ARHGAP42: variants seen among roughly 807,000 people sequenced by gnomAD.
ARHGAP42 encodes the protein Rho GTPase activating protein 42, also known as rho GTPase-activating protein 42.
Under a neutral mutation model 125.0 loss-of-function variants are expected in ARHGAP42, and 63 were observed. The ratio of observed to expected loss-of-function variants is 0.50; its 90% confidence interval spans 0.41 to 0.62. ARHGAP42 has a LOEUF of 0.62. Ranked by LOEUF, ARHGAP42 falls within the 20% of genes least tolerant of loss-of-function variation. The probability of loss-of-function intolerance (pLI) is 0.00; values close to 1 mark genes in which losing one functional copy is unlikely to be tolerated. For missense variants in ARHGAP42, 766 were observed against 1,024.2 expected (o/e 0.75, Z 3.44); for synonymous variants, 339 against 351.0 (o/e 0.97, Z 0.38).
chr11:100,779,528 G>A (rs58051655), intron 2 of ARHGAP42, among the ~76,000 whole-genome samples: 25,895 of 80,442 alleles, frequency 0.32, 5,933 homozygotes, highest in Non-Finnish European at 0.41. Flanking sequence ...ACGTATACAT[G>A]CGTATATATA....
At chr11:100,837,799 C>T (rs913178914) in intron 3 of ARHGAP42, among the ~76,000 whole-genome samples, 2 of 148,126 alleles carry the variant, frequency 1.4e-5, no homozygotes, top group African/African-American at 5.0e-5. Context: ...ATAATGCAGC[C>T]AAGGGTCAGC....
In ARHGAP42 at chr11:100,992,331, G is replaced by A. The variant is rs1858853961; in HGVS notation, c.*3530G>A. The A allele has an allele frequency of 6.2e-7, 1 of 1,609,876 alleles. No homozygotes were observed. Among genetic ancestry groups the A allele is most frequent in the South Asian group, 1.1e-5 (1 of 90,146 alleles). On this transcript the variant is annotated 3_prime_UTR_variant, in exon 24 of 24. Coordinates refer to ENST00000298815, the MANE Select transcript of ARHGAP42 (RefSeq NM_152432.4). ...AGCATGACCTCACATCACTGCGTAGGACCCGGAAATCACATCTCCTGGTCA... is the reference window on the plus strand; with the variant it reads ...AGCATGACCTCACATCACTGCGTAGAACCCGGAAATCACATCTCCTGGTCA...
At chr11:100,754,278 T>G (rs1862525281) in intron 1 of ARHGAP42, among the ~76,000 whole-genome samples, 1 of 152,220 alleles carries the variant, frequency 6.6e-6, no homozygotes, top group Non-Finnish European at 1.5e-5. Flanking sequence ...CACTGCTAGA[T>G]TGTGGAGGAA....
intron 3 of ARHGAP42, chr11:100,840,612 C>G (rs974740418): frequency 2.0e-5 from 3 of 152,100 alleles, no homozygotes; most frequent in African/African-American, 7.2e-5. Context: ...AGCAAAATCA[C>G]AGATGCTGAC....
intron 3 of ARHGAP42, among the ~76,000 whole-genome samples, chr11:100,827,396 T>C (rs1396462751): frequency 2.6e-5 from 4 of 152,176 alleles, no homozygotes. Context: ...GTCATGGTAG[T>C]CTGGTATGCA....
At chr11:100,842,340 A>G (rs1191396094) in intron 3 of ARHGAP42, among the ~76,000 whole-genome samples, 1 of 152,174 alleles carries the variant, frequency 6.6e-6, no homozygotes, top group Non-Finnish European at 1.5e-5. Context: ...ATGAGAACCT[A>G]TTCAAGTTTT....
At chr11:100,930,375 C>T (rs1241800322) in intron 6 of ARHGAP42, among the ~76,000 whole-genome samples, 2 of 152,290 alleles carry the variant, frequency 1.3e-5, no homozygotes, top group African/African-American at 4.8e-5. Flanking sequence ...TTGCTGCCAT[C>T]TAGAGGCAGG....
intron 1 of ARHGAP42, among the ~76,000 whole-genome samples, chr11:100,763,553 T>A (rs560559192): frequency 6.6e-6 from 1 of 152,252 alleles, no homozygotes; most frequent in South Asian, 2.1e-4. Flanking sequence ...AGTGGCATGA[T>A]CTTGACTGGC....
chr11:100,799,303 A>C lies in ARHGAP42; in HGVS notation c.312+4137A>C, dbSNP rs765598501. On this transcript the variant is annotated intron_variant, in intron 3 of 23. Transcript: ENST00000298815. ...TACATGGGTCTAGTCCCAGTGCCAG[A>C]GAGACAGCCATGCAGTGTGACCTGT... Among the ~76,000 whole-genome samples the C allele has an allele frequency of 1.2e-4, 18 of 152,238 alleles. 1 individual carries two copies. The highest frequency in any genetic ancestry group is 2.1e-4 in the Non-Finnish European group (14 of 68,040).
intron 3 of ARHGAP42, among the ~76,000 whole-genome samples, chr11:100,813,583 G>A (rs561952020): frequency 6.6e-6 from 1 of 152,312 alleles, no homozygotes; most frequent in Non-Finnish European, 1.5e-5. Flanking sequence ...CATTGAATGA[G>A]ATTATGCAGA....
At chr11:100,974,369 AT>A in intron 18 of ARHGAP42, 89 bp from the exon 19 acceptor site, 1 of 1,225,516 alleles carries the variant, frequency 8.2e-7, no homozygotes, top group South Asian at 1.7e-5. Context: ...TTTGCAGCTG[AT>A]TAAGTAGCAT....
chr11:100,775,100 G>A (rs1380117136), intron 2 of ARHGAP42, among the ~76,000 whole-genome samples: 2 of 152,086 alleles, frequency 1.3e-5, no homozygotes. Flanking sequence ...TAAATGAGCT[G>A]CAGGTGAGCT....
Position 100,988,958 on chromosome 11 carries a change from T to C in ARHGAP42, c.*157T>C. ...AGCAGACTATGTAGCTCCTTATTAA[T>C]GGAAAAAAAGATTTAAATTGTTGGC... On this transcript the variant is annotated 3_prime_UTR_variant, in exon 24 of 24. Transcript: ENST00000298815. 8.4e-6 allele frequency: 4 copies of C among 477,442 alleles called. No homozygotes were observed. In the East Asian group the frequency reaches 9.0e-5, roughly 11 times the overall value. 29.6% of individuals were successfully genotyped at this position (477,442 alleles called of 1,614,324 possible).
At chr11:100,756,351 T>A (rs1239493098) in intron 1 of ARHGAP42, among the ~76,000 whole-genome samples, 1 of 151,712 alleles carries the variant, frequency 6.6e-6, no homozygotes, top group East Asian at 1.9e-4. Context: ...TGAGCAATGA[T>A]CATGCCACTG....
At chr11:100,869,743 A>G (rs565378916) in intron 4 of ARHGAP42, among the ~76,000 whole-genome samples, 1 of 152,206 alleles carries the variant, frequency 6.6e-6, no homozygotes, top group African/African-American at 2.4e-5. Context: ...CCATCCATGT[A>G]TAGATGATCA....
chr11:100,921,202 A>T (rs867533460), intron 5 of ARHGAP42, among the ~76,000 whole-genome samples: 45 of 39,292 alleles, frequency 1.1e-3, no homozygotes, highest in Admixed American at 4.5e-3. Flanking sequence ...CCCCTCTTGT[A>T]ATATATATAT....
intron 6 of ARHGAP42, among the ~76,000 whole-genome samples, chr11:100,926,345 G>A (rs1223274878): frequency 6.6e-6 from 1 of 152,144 alleles, no homozygotes; most frequent in Non-Finnish European, 1.5e-5. Flanking sequence ...TGGCAGATAG[G>A]AACTCAGAAC....
intron 2 of ARHGAP42, among the ~76,000 whole-genome samples, chr11:100,781,460 G>A (rs1250197265): frequency 1.3e-5 from 2 of 151,886 alleles, no homozygotes; most frequent in Admixed American, 6.6e-5. Flanking sequence ...AAGTCACATG[G>A]GTACTAGAAC....
intron 3 of ARHGAP42, among the ~76,000 whole-genome samples, chr11:100,815,544 GA>G (rs1864248387): frequency 6.6e-6 from 1 of 152,186 alleles, no homozygotes; most frequent in Non-Finnish European, 1.5e-5. Flanking sequence ...TAGATGTGCA[GA>G]TATGTTTCTT....
Sources: gnomAD v4.1 joint callset for allele counts (sites outside exome capture counted in the v4.1 genomes callset) on GRCh38, gnomAD v4.1.1 for gene constraint, MANE v1.5 for transcripts, NCBI Gene and HGNC (gene_info 2026-07-23, HGNC 2026-07-21) for gene names.